The following ZFHX3 variants were observed in gnomAD, a reference collection of about 807,000 sequenced individuals.
ZFHX3 encodes the protein zinc finger homeobox protein 3.
Under a neutral mutation model 279.1 loss-of-function variants are expected in ZFHX3, and 42 were observed. The observed-to-expected ratio is 0.15, with a 90% confidence interval of 0.12 to 0.19. The LOEUF (loss-of-function observed/expected upper bound fraction) is 0.19, where lower values mean the gene tolerates loss of function less well. Among genes scored for constraint, ZFHX3 ranks in the 10% least tolerant of loss-of-function variants. The probability of loss-of-function intolerance (pLI) is 1.00; values close to 1 mark genes in which losing one functional copy is unlikely to be tolerated. For missense variants in ZFHX3, 4,981 were observed against 4,754.0 expected, an observed-to-expected ratio of 1.05 and a Z score of -1.40; for synonymous variants, 2,293 against 1,957.8, an observed-to-expected ratio of 1.17 and a Z score of -4.52.
chr16:73,395,643 T>A lies in ZFHX3; in HGVS notation c.-1291+60360A>T, dbSNP rs571590879. On this transcript the variant is annotated intron_variant, in intron 3 of 17. Coordinates refer to the ZFHX3 transcript ENST00000641206. Reference sequence around the variant, plus strand: ...GTCTCCTAACTATTAGCAAATGGATTATTTTTCTGAAATTATTAAAGCCCC... The same window carrying A: ...GTCTCCTAACTATTAGCAAATGGATAATTTTTCTGAAATTATTAAAGCCCC... Among the ~76,000 whole-genome samples the A allele has an allele frequency of 9.2e-5, 14 of 152,206 alleles. No homozygotes were observed. In the East Asian group the frequency reaches 2.7e-3, roughly 29 times the overall value.
intron 1 of ZFHX3, chr16:73,813,666 T>G (rs1960485009): frequency 6.6e-6 from 1 of 152,164 alleles, no homozygotes; most frequent in Non-Finnish European, 1.5e-5. Context: ...CCCACAGCAC[T>G]CATCAGACAG....
At chr16:72,911,046 C>T (rs758030510) in intron 3 of ZFHX3, among the ~76,000 whole-genome samples, 13 of 152,146 alleles carry the variant, frequency 8.5e-5, no homozygotes, top group Non-Finnish European at 1.3e-4. Context: ...TTTGTCAGCC[C>T]GTGCTGTGCT....
At chr16:73,890,471 A>C in intron 1 of ZFHX3, among the ~76,000 whole-genome samples, 1 of 152,222 alleles carries the variant, frequency 6.6e-6, no homozygotes, top group East Asian at 1.9e-4. Flanking sequence ...TGAATGTCAG[A>C]GATGAAATTG....
chr16:73,292,013 T>A (rs900608109), intron 4 of ZFHX3, among the ~76,000 whole-genome samples: 6 of 152,328 alleles, frequency 3.9e-5, no homozygotes, highest in African/African-American at 1.2e-4. Flanking sequence ...TGCCTGGAAC[T>A]GAAGTTTCTA....
chr16:73,429,601 G>A (rs2017875402), intron 3 of ZFHX3, among the ~76,000 whole-genome samples: 1 of 152,100 alleles, frequency 6.6e-6, no homozygotes, highest in African/African-American at 2.4e-5. Context: ...CCAAAGTGCT[G>A]GGATCACGGG....
intron 5 of ZFHX3, among the ~76,000 whole-genome samples, chr16:72,819,984 A>G (rs1180566727): frequency 6.6e-6 from 1 of 152,220 alleles, no homozygotes; most frequent in East Asian, 1.9e-4. Context: ...TTGCAGAAAG[A>G]GGAAGCGTCT....
At chr16:73,279,007 G>A (rs2014388286) in intron 4 of ZFHX3, among the ~76,000 whole-genome samples, 1 of 152,164 alleles carries the variant, frequency 6.6e-6, no homozygotes, top group Non-Finnish European at 1.5e-5. Context: ...TAAGTGGGGG[G>A]CATCCCCATA....
chr16:73,074,621 C>T (rs902598389), intron 8 of ZFHX3, among the ~76,000 whole-genome samples: 6 of 151,304 alleles, frequency 4.0e-5, no homozygotes, highest in Non-Finnish European at 7.4e-5. Flanking sequence ...ACAATGATGA[C>T]GACACTAAAC....
chr16:72,961,794 A>C (rs753295293), intron 1 of ZFHX3, among the ~76,000 whole-genome samples: 2 of 152,130 alleles, frequency 1.3e-5, no homozygotes, highest in Non-Finnish European at 2.9e-5. Context: ...ACATACCCCT[A>C]TCTCTCCATT....
intron 3 of ZFHX3, among the ~76,000 whole-genome samples, chr16:73,425,497 A>G (rs1047202681): frequency 5.3e-5 from 8 of 152,230 alleles, no homozygotes; most frequent in African/African-American, 1.7e-4. Flanking sequence ...CAAGCGCTAA[A>G]GTGATTTGTC....
chr16:73,563,283 G>C (rs1295738550), intron 2 of ZFHX3, among the ~76,000 whole-genome samples: 3 of 150,632 alleles, frequency 2.0e-5, no homozygotes, highest in African/African-American at 7.4e-5. Context: ...TGCCACCCGG[G>C]CTGGAGCGCA....
At chr16:73,492,459 C>G (rs1169716015) in intron 2 of ZFHX3, among the ~76,000 whole-genome samples, 2 of 152,216 alleles carry the variant, frequency 1.3e-5, no homozygotes, top group Non-Finnish European at 2.9e-5. Context: ...CTCTCTCCAC[C>G]CTGATCCAAC....
At chr16:73,374,341 G>A (rs1175586915) in intron 3 of ZFHX3, among the ~76,000 whole-genome samples, 6 of 151,064 alleles carry the variant, frequency 4.0e-5, no homozygotes, top group African/African-American at 7.3e-5. Flanking sequence ...AATGATCAAG[G>A]CCAGTCTTGT....
At chr16:73,079,249 G>C (rs949447036) in intron 8 of ZFHX3, among the ~76,000 whole-genome samples, 1 of 151,774 alleles carries the variant, frequency 6.6e-6, no homozygotes. Flanking sequence ...TTAAGGCCGG[G>C]CATAGTGGCT....
At chr16:72,950,410 C>A in intron 3 of ZFHX3, 59 bp downstream of exon 3, 1 of 1,577,692 alleles carries the variant, frequency 6.3e-7, no homozygotes, top group Non-Finnish European at 8.6e-7. Context: ...CCTAACTCCC[C>A]GGTGCGCAAC....
chr16:73,578,561 A>T (rs1279034814), intron 2 of ZFHX3, among the ~76,000 whole-genome samples: 2 of 152,182 alleles, frequency 1.3e-5, no homozygotes, highest in Admixed American at 1.3e-4. Context: ...TATTCAACAA[A>T]AACACTAACA....
chr16:73,099,575 G>C (rs1334603061), intron 7 of ZFHX3, among the ~76,000 whole-genome samples: 1 of 151,986 alleles, frequency 6.6e-6, no homozygotes, highest in African/African-American at 2.4e-5. Context: ...GCTGGGTGTG[G>C]TTGCAGGCAC....
At chr16:73,587,632 C>T (rs2051941337) in intron 2 of ZFHX3, among the ~76,000 whole-genome samples, 1 of 152,172 alleles carries the variant, frequency 6.6e-6, no homozygotes, top group African/African-American at 2.4e-5. Flanking sequence ...TCTCACCAGA[C>T]TTGTATCCAA....
chr16:73,105,153 C>A (rs1401863479), intron 7 of ZFHX3, among the ~76,000 whole-genome samples: 1 of 151,756 alleles, frequency 6.6e-6, no homozygotes, highest in Admixed American at 6.6e-5. Context: ...CGTTTGTAAT[C>A]CCAGCACTTT....
Sources: allele counts gnomAD v4.1 joint callset (sites outside exome capture counted in the v4.1 genomes callset), GRCh38; gene constraint gnomAD v4.1.1; transcripts MANE v1.5; gene names NCBI Gene and HGNC (gene_info 2026-07-23, HGNC 2026-07-21).